The following KLHL41 variants were observed in gnomAD, a reference collection of about 807,000 sequenced individuals.
The protein encoded by KLHL41 is kelch like family member 41.
Under a neutral mutation model 49.2 loss-of-function variants are expected in KLHL41, and 31 were observed. That is an observed-to-expected ratio of 0.63 (90% CI 0.47 to 0.85). The LOEUF (loss-of-function observed/expected upper bound fraction) is 0.85, where lower values mean the gene tolerates loss of function less well. KLHL41 is among the 40% of genes least tolerant of loss of function. The pLI is 0.00. For synonymous variants in KLHL41, 218 were observed against 258.5 expected (o/e 0.84, Z 1.50); for missense variants, 663 against 726.7 (o/e 0.91, Z 1.01).
rs982605452 is a variant in KLHL41 at position 169,525,901 on chromosome 2, T to C, written c.*205T>C. 10 of 372,024 alleles carry C rather than the reference T, an allele frequency of 2.7e-5. No individual in the cohort carries two copies. The highest frequency in any genetic ancestry group is 4.8e-5 in the Non-Finnish European group (10 of 209,258). 23.0% of individuals were successfully genotyped at this position (372,024 alleles called of 1,614,324 possible). ...AGAGTTTAAAACCATTTTCTAATAA[T>C]AAATTAAATCTTCAGTTGAACAAAT... On this transcript the variant is annotated 3_prime_UTR_variant, in exon 6 of 6. Transcript: ENST00000284669.
rs571329815 is a variant in KLHL41, at chr2:169,523,003, G to A, written c.1709+1996G>A. Among the ~76,000 whole-genome samples, 40 of 152,032 alleles carry A rather than the reference G, an allele frequency of 2.6e-4. No individual in the cohort carries two copies. In the South Asian group the frequency reaches 5.2e-3, roughly 20 times the overall value. Reference sequence around the variant, plus strand: ...CTCCCACAGTGCTGGGATTACAGGCGTCAGCCACCGAGCCCAGCCCCAGAT... The same window carrying A: ...CTCCCACAGTGCTGGGATTACAGGCATCAGCCACCGAGCCCAGCCCCAGAT... On this transcript the variant is annotated intron_variant, in intron 5 of 5. Transcript: ENST00000284669.
At position 169,525,916 on chromosome 2, in the gene KLHL41, G is replaced by A. The variant is rs1684298348; in HGVS notation, c.*220G>A. ...TTTCTAATAATAAATTAAATCTTCA[G>A]TTGAACAAATTATTTTGTGAATCTG... is the stretch of plus-strand genomic sequence containing the variant. On this transcript the variant is annotated 3_prime_UTR_variant, in exon 6 of 6. Transcript: ENST00000284669. The A allele has an allele frequency of 8.7e-6, 3 of 345,508 alleles. No homozygotes were observed. The highest frequency in any genetic ancestry group is 1.6e-5 in the Non-Finnish European group (3 of 192,746). The allele number at this position is 345,508 out of a possible 1,614,324, so 21.4% of individuals were successfully genotyped here.
chr2:169,524,012 TA>T (rs568347956), intron 5 of KLHL41, among the ~76,000 whole-genome samples: 5 of 150,158 alleles, frequency 3.3e-5, no homozygotes, highest in African/African-American at 9.9e-5. Context: ...TTACTATACG[TA>T]AAAAAAAAAT....
chr2:169,523,301 G>A (rs747404344), intron 5 of KLHL41, among the ~76,000 whole-genome samples: 1 of 152,108 alleles, frequency 6.6e-6, no homozygotes, highest in African/African-American at 2.4e-5. Context: ...CTGCACGTTC[G>A]AATCACCAGG....
Position 169,525,818 on chromosome 2 carries a change from C to T in KLHL41, c.*122C>T, listed in dbSNP as rs1018682672. On this transcript the variant is annotated 3_prime_UTR_variant, in exon 6 of 6. Coordinates refer to ENST00000284669, the MANE Select transcript of KLHL41 (RefSeq NM_006063.3). ...TAGAAATTATTCAAGAAGTTATTGT[C>T]TAAGAGATGAGCAGTAGGTAAGAAA... 2 of 563,368 alleles carry T rather than the reference C, an allele frequency of 3.6e-6. No homozygotes were observed. The highest frequency in any genetic ancestry group is 3.2e-5 in the Admixed American group (1 of 31,598). The allele number at this position is 563,368 out of a possible 1,614,324, so 34.9% of individuals were successfully genotyped here. A position where few individuals can be genotyped will look rare whatever the true frequency, so the allele number is the denominator to read the frequency against.
intron 5 of KLHL41, among the ~76,000 whole-genome samples, chr2:169,523,611 C>A (rs968699332): frequency 1.3e-5 from 2 of 152,134 alleles, no homozygotes; most frequent in Non-Finnish European, 2.9e-5. Flanking sequence ...CCAGGCCACC[C>A]TTCATACCAA....
intron 1 of KLHL41, among the ~76,000 whole-genome samples, chr2:169,513,814 G>A (rs1684066839): frequency 6.6e-6 from 1 of 152,196 alleles, no homozygotes; most frequent in Non-Finnish European, 1.5e-5. Context: ...CCAAAAGTAA[G>A]TGATGAAACA....
Position 169,520,843 on chromosome 2 carries a change from AT to A in KLHL41, c.1563-13del. ...TTTCTTTAAGTTTTACATTGACTAT[AT>A]TTTTAATGATACCTAGATGGGATGT... On this transcript the variant is annotated splice_polypyrimidine_tract_variant and intron_variant, in intron 4 of 5. Transcript: ENST00000284669. The A allele has an allele frequency of 1.3e-6, 2 of 1,567,718 alleles. No homozygotes were observed. Among genetic ancestry groups the A allele is most frequent in the Non-Finnish European group, 1.7e-6 (2 of 1,146,120 alleles).
At chr2:169,522,986 G>A (rs934350912) in intron 5 of KLHL41, among the ~76,000 whole-genome samples, 2 of 151,934 alleles carry the variant, frequency 1.3e-5, no homozygotes, top group Non-Finnish European at 2.9e-5. Context: ...GCCTCCCACA[G>A]TGCTGGGATT....
chr2:169,512,178 A>G (rs1347089773), intron 1 of KLHL41, among the ~76,000 whole-genome samples: 1 of 152,224 alleles, frequency 6.6e-6, no homozygotes, highest in Non-Finnish European at 1.5e-5. Context: ...AGTTGTGATA[A>G]TACATATTAA....
Position 169,518,180 on chromosome 2 carries a change from C to G in KLHL41, c.1377-10C>G. 1 of 1,596,890 alleles carries G rather than the reference C, an allele frequency of 6.3e-7. No homozygotes were observed. Among genetic ancestry groups the G allele is most frequent in the Non-Finnish European group, 8.5e-7 (1 of 1,170,828 alleles). On this transcript the variant is annotated splice_polypyrimidine_tract_variant and intron_variant, in intron 3 of 5. Transcript: ENST00000284669. ...GGTTCTAAAAGGAACATTTGTTTTT[C>G]TGTTTACAGAAAATGTACAAACAGG... is the stretch of plus-strand genomic sequence containing the variant.
chr2:169,514,652 G>A lies in KLHL41; in HGVS notation c.1189G>A (p.Asp397Asn). 6.2e-7 allele frequency: 1 copy of A among 1,613,932 alleles called. No homozygotes were observed. The highest frequency in any genetic ancestry group is 8.5e-7 in the Non-Finnish European group (1 of 1,179,864). Residue 397 changes from aspartate to asparagine, a missense_variant, in exon 2 of 6, where the codon GAT becomes AAT. Transcript: ENST00000284669. ...GTGTCTCTTCGGTCTGGGAGAGGTG[G>A]ATGATAAAATCTATGTAGTTGCAGG... Reference protein sequence around the residue: ...ARCLFGLGEVDDKIYVVAGKD... With the variant: ...ARCLFGLGEVNDKIYVVAGKD...
rs1189415220 is a variant in KLHL41 at position 169,526,004 on chromosome 2, G to GCAT, written c.*312_*314dup. 1.0e-5 allele frequency: 2 copies of GCAT among 196,290 alleles called. No individual in the cohort carries two copies. Among genetic ancestry groups the GCAT allele is most frequent in the Non-Finnish European group, 2.1e-5 (2 of 97,072 alleles). 12.2% of individuals were successfully genotyped at this position (196,290 alleles called of 1,614,324 possible). ...GAGTTGTTTGCTAATCATTTCATTT[G>GCAT]CATCATTAGGGTATCCTTAAACTGA... On this transcript the variant is annotated 3_prime_UTR_variant, in exon 6 of 6. Coordinates refer to ENST00000284669, the MANE Select transcript of KLHL41 (RefSeq NM_006063.3).
chr2:169,516,753 G>A (rs980052882), intron 3 of KLHL41, among the ~76,000 whole-genome samples: 2 of 152,210 alleles, frequency 1.3e-5, no homozygotes, highest in Non-Finnish European at 2.9e-5. Flanking sequence ...TGGGTGCAGT[G>A]GCTCATGCCT....
At chr2:169,520,085 G>A (rs1684174839) in intron 4 of KLHL41, among the ~76,000 whole-genome samples, 1 of 151,074 alleles carries the variant, frequency 6.6e-6, no homozygotes, top group African/African-American at 2.4e-5. Context: ...CCGCAGCCTT[G>A]ACCTCAAGGG....
At chr2:169,523,316 T>C (rs188133915) in intron 5 of KLHL41, among the ~76,000 whole-genome samples, 2 of 152,302 alleles carry the variant, frequency 1.3e-5, no homozygotes, top group Admixed American at 1.3e-4. Context: ...ACCAGGGTGC[T>C]TCAAAAAATA....
Position 169,525,756 on chromosome 2 carries a change from T to G in KLHL41, c.*60T>G, listed in dbSNP as rs1032765564. 1.6e-4 allele frequency: 147 copies of G among 921,872 alleles called. No homozygotes were observed. Among genetic ancestry groups the G allele is most frequent in the Non-Finnish European group, 2.1e-4 (120 of 572,418 alleles). 57.1% of individuals were successfully genotyped at this position (921,872 alleles called of 1,614,324 possible). Reference sequence around the variant, plus strand: ...TTTGTTTGGTGAATGGGGCTTTAATTTATTCTGTTTTTTAAAAGCTTGTAC... The same window carrying G: ...TTTGTTTGGTGAATGGGGCTTTAATGTATTCTGTTTTTTAAAAGCTTGTAC... On this transcript the variant is annotated 3_prime_UTR_variant, in exon 6 of 6. Transcript: ENST00000284669.
intron 1 of KLHL41, among the ~76,000 whole-genome samples, chr2:169,512,865 A>T (rs1559130054): frequency 6.6e-6 from 1 of 152,166 alleles, no homozygotes; most frequent in East Asian, 1.9e-4. Context: ...TGCTGTAAAT[A>T]GATTATGAGA....
At position 169,509,890 on chromosome 2, in the gene KLHL41, A is replaced by C; in HGVS notation, c.112A>C (p.Lys38Gln). 1 of 1,614,176 alleles carries C rather than the reference A, an allele frequency of 6.2e-7. No individual in the cohort carries two copies. The highest frequency in any genetic ancestry group is 1.1e-5 in the South Asian group (1 of 91,078). The change falls in exon 1 of 6, where the codon AAA becomes CAA. Residue 38 changes from lysine to glutamine, a missense_variant. Lys to Gln is a moderately conservative substitution (Grantham distance 53). Coordinates refer to ENST00000284669, the MANE Select transcript of KLHL41 (RefSeq NM_006063.3). Reference sequence around the variant, plus strand: ...GAAAAAATTCATCGATTGCACCCTAAAAGCAGGTGACAAAAGTCTTCCTTG... The same window carrying C: ...GAAAAAATTCATCGATTGCACCCTACAAGCAGGTGACAAAAGTCTTCCTTG... ...DEKKFIDCTL[K>Q]AGDKSLPCHR...
Sources: gnomAD v4.1 joint callset for allele counts (sites outside exome capture counted in the v4.1 genomes callset) on GRCh38, gnomAD v4.1.1 for gene constraint, MANE v1.5 for transcripts, NCBI Gene and HGNC (gene_info 2026-07-23, HGNC 2026-07-21) for gene names.